The following XYLT1 variants were observed in gnomAD, a reference collection of about 807,000 sequenced individuals.
XYLT1 encodes the protein beta-D-xylosyltransferase 1.
XYLT1 carries 36 observed loss-of-function variants against 91.3 expected under a neutral mutation model. The observed-to-expected ratio is 0.39, with a 90% CI of 0.30 to 0.52. The LOEUF is 0.52. Among genes scored for constraint, XYLT1 ranks in the 20% least tolerant of loss-of-function variants. XYLT1 has a pLI of 0.68. For synonymous variants in XYLT1, 588 were observed against 532.0 expected (o/e 1.11, Z -1.45); for missense variants, 1,242 against 1,284.5 (o/e 0.97, Z 0.51).
intron 2 of XYLT1, among the ~76,000 whole-genome samples, chr16:17,293,542 C>T (rs1291462286): frequency 7.5e-6 from 1 of 133,786 alleles, no homozygotes; most frequent in Non-Finnish European, 1.5e-5. Context: ...TTCTGTAGTG[C>T]AGCGGCACAA....
intron 1 of XYLT1, among the ~76,000 whole-genome samples, chr16:17,429,945 T>C (rs543994639): frequency 4.8e-4 from 72 of 150,038 alleles, no homozygotes; most frequent in Non-Finnish European, 8.0e-4. Flanking sequence ...TTTTTTTTTT[T>C]TTTTTTTTTG....
chr16:17,211,924 C>T (rs1341536396), intron 3 of XYLT1, among the ~76,000 whole-genome samples: 1 of 152,176 alleles, frequency 6.6e-6, no homozygotes, highest in African/African-American at 2.4e-5. Context: ...TTAGCAGCAT[C>T]GCTGGATCTA....
At chr16:17,363,216 G>A (rs2035406824) in intron 1 of XYLT1, among the ~76,000 whole-genome samples, 2 of 152,248 alleles carry the variant, frequency 1.3e-5, no homozygotes, top group South Asian at 2.1e-4. Context: ...TCACTTAGCT[G>A]CAGGCCTAGT....
intron 1 of XYLT1, among the ~76,000 whole-genome samples, chr16:17,432,706 C>T (rs981097988): frequency 6.6e-6 from 1 of 151,908 alleles, no homozygotes; most frequent in African/African-American, 2.4e-5. Context: ...AAAATGGTTC[C>T]CATTATATCT....
chr16:17,183,168 A>T (rs2032108340), intron 5 of XYLT1, among the ~76,000 whole-genome samples: 1 of 152,140 alleles, frequency 6.6e-6, no homozygotes, highest in African/African-American at 2.4e-5. Flanking sequence ...AAGTCACTTG[A>T]ACACTCTGAG....
chr16:17,147,131 C>T (rs971874353), intron 6 of XYLT1, among the ~76,000 whole-genome samples: 15 of 152,114 alleles, frequency 9.9e-5, no homozygotes, highest in South Asian at 4.1e-4. Flanking sequence ...AGGAACTCAG[C>T]GAAGATTTTT....
At chr16:17,121,983 C>A (rs183540407) in intron 10 of XYLT1, among the ~76,000 whole-genome samples, 1 of 151,364 alleles carries the variant, frequency 6.6e-6, no homozygotes, top group African/African-American at 2.4e-5. Flanking sequence ...TATATGCGCA[C>A]ACACACACAC....
At chr16:17,379,761 T>TCACACACACACACACACACA (rs1466780792) in intron 1 of XYLT1, among the ~76,000 whole-genome samples, 50 of 117,726 alleles carry the variant, frequency 4.2e-4, no homozygotes, top group African/African-American at 1.8e-3. Flanking sequence ...TCTCTCTCTC[T>TCACACACACACACACACACA]CTCACACACA....
intron 5 of XYLT1, among the ~76,000 whole-genome samples, chr16:17,189,997 G>A (rs1356320245): frequency 1.3e-5 from 2 of 152,238 alleles, no homozygotes; most frequent in African/African-American, 4.8e-5. Context: ...AGTGAGCCAA[G>A]ATCGTGCCAT....
intron 2 of XYLT1, among the ~76,000 whole-genome samples, chr16:17,321,628 G>C (rs2034723101): frequency 6.6e-6 from 1 of 152,050 alleles, no homozygotes; most frequent in African/African-American, 2.4e-5. Flanking sequence ...GAAGTGCTGG[G>C]ATTACAGGCA....
intron 2 of XYLT1, among the ~76,000 whole-genome samples, chr16:17,319,956 G>A (rs563469325): frequency 9.2e-5 from 14 of 152,098 alleles, no homozygotes; most frequent in African/African-American, 2.7e-4. Flanking sequence ...CATGCTAAGC[G>A]CCAGGCAGTT....
At position 17,312,898 on chromosome 16, in the gene XYLT1, A is replaced by G. The variant is rs1313540764; in HGVS notation, c.402+45114T>C. 1.3e-5 allele frequency among the ~76,000 whole-genome samples: 2 copies of G among 152,228 alleles called. No individual in the cohort carries two copies. The highest frequency in any genetic ancestry group is 2.9e-5 in the Non-Finnish European group (2 of 68,044). ...ATCAGAGATGTTTCTGAGGGTACTC[A>G]TATTTGAAAAGGACTTCTAGGTGTC... On this transcript the variant is annotated intron_variant, in intron 2 of 11. Transcript: ENST00000261381. The surrounding 1 kb of genome is among the most constrained non-coding windows in gnomAD (Gnocchi z 4.4).
At chr16:17,442,191 C>T (rs769796036) in intron 1 of XYLT1, among the ~76,000 whole-genome samples, 2 of 152,150 alleles carry the variant, frequency 1.3e-5, no homozygotes, top group African/African-American at 2.4e-5. Context: ...AGCTTGCCAC[C>T]GCAGGCCTTG....
At chr16:17,429,365 C>G (rs965655383) in intron 1 of XYLT1, among the ~76,000 whole-genome samples, 3 of 152,216 alleles carry the variant, frequency 2.0e-5, no homozygotes, top group Non-Finnish European at 4.4e-5. Context: ...GCAATAAAAT[C>G]ACTGGCCCAA....
chr16:17,231,086 C>T (rs538986122), intron 3 of XYLT1, among the ~76,000 whole-genome samples: 4 of 152,304 alleles, frequency 2.6e-5, no homozygotes, highest in African/African-American at 9.6e-5. Flanking sequence ...TGAATGTGTT[C>T]AGAAGGAAAC....
chr16:17,219,387 T>C (rs1402450579), intron 3 of XYLT1, among the ~76,000 whole-genome samples: 2 of 151,796 alleles, frequency 1.3e-5, no homozygotes, highest in African/African-American at 4.8e-5. Context: ...CAGATGGACA[T>C]GATAGGCGAA....
intron 5 of XYLT1, among the ~76,000 whole-genome samples, chr16:17,167,491 C>A (rs563662739): frequency 3.3e-5 from 5 of 151,834 alleles, no homozygotes; most frequent in Non-Finnish European, 7.4e-5. Context: ...GGTTCTAACC[C>A]ATCCTTCCAT....
chr16:17,364,880 C>G lies in XYLT1; in HGVS notation c.364-6830G>C, dbSNP rs116929613. ...AACTTACTGAATCAGAATCTCTGGG[C>G]AAGGGTCCAAGGAATCTACATTGTT... On this transcript the variant is annotated intron_variant, in intron 1 of 11. Transcript: ENST00000261381. Among the ~76,000 whole-genome samples the G allele has an allele frequency of 5.9e-3, 903 of 152,270 alleles. 7 individuals carry two copies. Among genetic ancestry groups the G allele is most frequent in the Middle Eastern group, 0.014 (4 of 294 alleles).
At chr16:17,298,765 C>T (rs1021887982) in intron 2 of XYLT1, among the ~76,000 whole-genome samples, 5 of 152,092 alleles carry the variant, frequency 3.3e-5, no homozygotes, top group African/African-American at 1.2e-4. Context: ...TGCCTCAGGG[C>T]CTTTGCACTT....
Sources: gnomAD v4.1 joint callset for allele counts (sites outside exome capture counted in the v4.1 genomes callset) on GRCh38, gnomAD v4.1.1 for gene constraint, Gnocchi (gnomAD v3.1) non-coding constraint, MANE v1.5 for transcripts, NCBI Gene and HGNC (gene_info 2026-07-23, HGNC 2026-07-21) for gene names.